The following TMTC2 variants were observed in gnomAD, a reference collection of about 807,000 sequenced individuals.
The protein encoded by TMTC2 is protein O-mannosyl-transferase TMTC2.
In TMTC2, 43 loss-of-function variants were observed where a neutral mutation model predicts 82.4. That is an observed-to-expected ratio of 0.52 (90% confidence interval 0.41 to 0.67). The LOEUF is 0.67. Among genes scored for constraint, TMTC2 ranks in the 30% least tolerant of loss-of-function variants. TMTC2 has a pLI of 0.00. For synonymous variants in TMTC2, 408 were observed against 381.9 expected, an observed-to-expected ratio of 1.07 and a Z score of -0.80; for missense variants, 919 against 1,012.4, an observed-to-expected ratio of 0.91 and a Z score of 1.25.
rs575001566 is a variant in TMTC2, at chr12:82,793,480, T to G, written c.84-63530T>G. On this transcript the variant is annotated intron_variant, in intron 1 of 11. Coordinates refer to ENST00000321196, the MANE Select transcript of TMTC2 (RefSeq NM_152588.3). The stretch of plus-strand genomic sequence containing the variant: ...TTATTTAATTAATGTTCATTGAGTT[T>G]TCCAATGACAAGATGCAAATGTAAT... 6.6e-5 allele frequency among the ~76,000 whole-genome samples: 10 copies of G among 152,058 alleles called. 1 individual carries two copies. The highest frequency in any genetic ancestry group is 1.5e-4 in the Non-Finnish European group (10 of 67,998).
intron 11 of TMTC2, among the ~76,000 whole-genome samples, chr12:83,106,680 G>A (rs2137540088): frequency 1.3e-5 from 2 of 152,260 alleles, no homozygotes; most frequent in South Asian, 4.1e-4. Context: ...ATGAAGACAT[G>A]CAGGTCAAGC....
chr12:82,916,625 T>G (rs1354729138), intron 3 of TMTC2, among the ~76,000 whole-genome samples: 2 of 152,276 alleles, frequency 1.3e-5, no homozygotes, highest in East Asian at 1.9e-4. Context: ...GTAGATACAC[T>G]AAAACAAAAC....
At chr12:82,773,492 G>A (rs904698196) in intron 1 of TMTC2, among the ~76,000 whole-genome samples, 15 of 145,698 alleles carry the variant, frequency 1.0e-4, no homozygotes, top group African/African-American at 3.6e-4. Context: ...ATGTAGTCTC[G>A]CTCTGTCACC....
At chr12:82,887,200 G>A (rs1290421442) in intron 2 of TMTC2, among the ~76,000 whole-genome samples, 1 of 152,130 alleles carries the variant, frequency 6.6e-6, no homozygotes, top group Non-Finnish European at 1.5e-5. Context: ...TCAACAGCAG[G>A]ATGTTTACAT....
At chr12:82,751,121 A>G (rs1875974160) in intron 1 of TMTC2, among the ~76,000 whole-genome samples, 1 of 152,208 alleles carries the variant, frequency 6.6e-6, no homozygotes, top group South Asian at 2.1e-4. Context: ...ACAATAGCAA[A>G]GACTTGGAAC....
intron 2 of TMTC2, among the ~76,000 whole-genome samples, chr12:82,861,753 T>C (rs1288060309): frequency 1.3e-5 from 2 of 152,174 alleles, no homozygotes; most frequent in African/African-American, 4.8e-5. Flanking sequence ...CAGTAGTTAA[T>C]TTTGTCAGAA....
intron 11 of TMTC2, among the ~76,000 whole-genome samples, chr12:83,081,151 C>A (rs1344771422): frequency 2.0e-5 from 3 of 152,260 alleles, no homozygotes; most frequent in African/African-American, 7.2e-5. Flanking sequence ...ACAGCTTATG[C>A]AACAATGTCT....
At chr12:82,761,704 C>T (rs17009932) in intron 1 of TMTC2, among the ~76,000 whole-genome samples, 4,027 of 152,102 alleles carry the variant, frequency 0.026, 189 homozygotes, top group African/African-American at 0.091. Context: ...TCCAGGAGTC[C>T]CATTAATGCT....
At chr12:82,970,795 G>T (rs1483189275) in intron 7 of TMTC2, among the ~76,000 whole-genome samples, 1 of 152,112 alleles carries the variant, frequency 6.6e-6, no homozygotes, top group Non-Finnish European at 1.5e-5. Context: ...ATCCTATTTG[G>T]AATTACTGTA....
chr12:82,713,791 C>A (rs1423370798), intron 1 of TMTC2, among the ~76,000 whole-genome samples: 1 of 152,150 alleles, frequency 6.6e-6, no homozygotes, highest in Non-Finnish European at 1.5e-5. Context: ...TGTGAAAAAA[C>A]ACAGGAGGAA....
At chr12:82,703,725 G>T (rs2136902344) in intron 1 of TMTC2, among the ~76,000 whole-genome samples, 1 of 152,062 alleles carries the variant, frequency 6.6e-6, no homozygotes, top group East Asian at 1.9e-4. Context: ...CTGACCTCGT[G>T]ATCCGCCCTC....
At chr12:83,000,562 GCC>G (rs1454911937) in intron 8 of TMTC2, among the ~76,000 whole-genome samples, 1 of 152,196 alleles carries the variant, frequency 6.6e-6, no homozygotes, top group Admixed American at 6.5e-5. Context: ...GCAGGGTATA[GCC>G]CTCCTCTTGG....
intron 1 of TMTC2, among the ~76,000 whole-genome samples, chr12:82,777,904 T>C (rs997346480): frequency 7.2e-5 from 11 of 152,094 alleles, no homozygotes; most frequent in Non-Finnish European, 1.3e-4. Context: ...CCCAGATGCT[T>C]CCCTTTCTTC....
intron 4 of TMTC2, among the ~76,000 whole-genome samples, chr12:82,963,462 A>T (rs924141783): frequency 2.7e-5 from 4 of 149,246 alleles, no homozygotes; most frequent in Admixed American, 2.0e-4. Context: ...CTTTATCTGA[A>T]TTTTTTTTTT....
chr12:82,939,073 A>G (rs1213626387), intron 4 of TMTC2, among the ~76,000 whole-genome samples: 1 of 152,194 alleles, frequency 6.6e-6, no homozygotes, highest in Non-Finnish European at 1.5e-5. Context: ...ACATTAATGA[A>G]TGCTCAGTGG....
intron 11 of TMTC2, among the ~76,000 whole-genome samples, chr12:83,113,247 A>T (rs1884652529): frequency 6.6e-6 from 1 of 152,212 alleles, no homozygotes; most frequent in Non-Finnish European, 1.5e-5. Context: ...CAGAGAAGAG[A>T]TAAGACATTG....
At chr12:82,724,890 A>AT (rs1229316683) in intron 1 of TMTC2, among the ~76,000 whole-genome samples, 1 of 152,192 alleles carries the variant, frequency 6.6e-6, no homozygotes, top group African/African-American at 2.4e-5. Flanking sequence ...TGTTTGTACA[A>AT]TAAACACATT....
At chr12:82,852,781 G>A (rs944499690) in intron 1 of TMTC2, among the ~76,000 whole-genome samples, 5 of 152,130 alleles carry the variant, frequency 3.3e-5, no homozygotes, top group Non-Finnish European at 5.9e-5. Context: ...ATTCTATTAA[G>A]GCCCTGTTGG....
At chr12:82,937,688 A>G (rs1403254854) in intron 4 of TMTC2, among the ~76,000 whole-genome samples, 3 of 144,530 alleles carry the variant, frequency 2.1e-5, no homozygotes, top group Non-Finnish European at 3.0e-5. Flanking sequence ...TAACATTTTG[A>G]ACAAATGTCA....
Sources: gnomAD v4.1 joint callset for allele counts (sites outside exome capture counted in the v4.1 genomes callset) on GRCh38, gnomAD v4.1.1 for gene constraint, MANE v1.5 for transcripts, NCBI Gene and HGNC (gene_info 2026-07-23, HGNC 2026-07-21) for gene names.